Variants in ANKRD26 observed in about 807,000 individuals in gnomAD.
ANKRD26 encodes ankyrin repeat domain 26.
ANKRD26 carries 141 observed loss-of-function variants against 208.7 expected under a neutral mutation model. The observed-to-expected ratio is 0.68, with a 90% CI of 0.59 to 0.78. The LOEUF (loss-of-function observed/expected upper bound fraction) is 0.78. Ranked by LOEUF, ANKRD26 falls within the 30% of genes least tolerant of loss-of-function variation. ANKRD26 has a pLI of 0.00. For missense variants in ANKRD26, 1,889 were observed against 1,938.7 expected (o/e 0.97, Z 0.48); for synonymous variants, 636 against 660.4 (o/e 0.96, Z 0.57).
intron 15 of ANKRD26, among the ~76,000 whole-genome samples, chr10:27,058,393 T>C (rs1305404218): frequency 6.6e-6 from 1 of 152,210 alleles, no homozygotes; most frequent in Non-Finnish European, 1.5e-5. Flanking sequence ...TATCGTAACA[T>C]CATAAGCTAA....
At chr10:27,099,255 TG>T (rs1299152146) in intron 1 of ANKRD26, among the ~76,000 whole-genome samples, 1 of 152,274 alleles carries the variant, frequency 6.6e-6, no homozygotes, top group East Asian at 1.9e-4. Flanking sequence ...TCTCCTAAAA[TG>T]CTGGGTTTAC....
intron 15 of ANKRD26, among the ~76,000 whole-genome samples, chr10:27,059,655 A>G (rs2054975841): frequency 6.6e-6 from 1 of 152,010 alleles, no homozygotes; most frequent in African/African-American, 2.4e-5. Context: ...TCATGCCTGT[A>G]ATTCTAGCAC....
chr10:27,090,065 G>C (rs1344573717), intron 4 of ANKRD26, among the ~76,000 whole-genome samples: 6 of 152,052 alleles, frequency 3.9e-5, no homozygotes, highest in Non-Finnish European at 7.4e-5. Flanking sequence ...GACATATTAA[G>C]AAAAAACATC....
In ANKRD26 at chr10:27,060,435, C is replaced by T. The variant is rs763274454; in HGVS notation, c.1492-18G>A. 27 of 1,594,220 alleles carry T rather than the reference C, an allele frequency of 1.7e-5. No individual in the cohort carries two copies. The Middle Eastern group carries it at 5.0e-4, about 29-fold the overall frequency. ...ATGGTAGGCTGAATGGGTTTTGAAACAAAATGATTAATAAATAATGTATAC... is the reference window on the plus strand; with the variant it reads ...ATGGTAGGCTGAATGGGTTTTGAAATAAAATGATTAATAAATAATGTATAC... On this transcript the variant is annotated intron_variant, in intron 14 of 33. Transcript: ENST00000376087.
intron 33 of ANKRD26, among the ~76,000 whole-genome samples, chr10:27,006,065 A>G (rs143909183): frequency 3.3e-4 from 50 of 152,334 alleles, no homozygotes; most frequent in African/African-American, 1.1e-3. Context: ...CAAACATACA[A>G]TTTCCATACA....
At position 27,064,073 on chromosome 10, in the gene ANKRD26, A is replaced by G; in HGVS notation, c.1278T>C (p.Ser426=). The G allele has an allele frequency of 6.2e-7, 1 of 1,608,546 alleles. No homozygotes were observed. ...CAACATACTTCTGTGGAAAATTCTCAGAGATACTCTGTTAAAATTAGTATC... is the reference window on the plus strand; with the variant it reads ...CAACATACTTCTGTGGAAAATTCTCGGAGATACTCTGTTAAAATTAGTATC... The part of the protein sequence containing the change: ...IESPWDSESI[S]ENFPQKYVDP... Residue 426 remains serine (S), a synonymous_variant, in exon 12 of 34, where the codon TCT becomes TCC. Coordinates refer to ENST00000376087, the MANE Select transcript of ANKRD26 (RefSeq NM_014915.3).
intron 16 of ANKRD26, among the ~76,000 whole-genome samples, chr10:27,049,355 T>A (rs1380248026): frequency 2.0e-5 from 3 of 152,204 alleles, no homozygotes; most frequent in African/African-American, 4.8e-5. Context: ...ACAAGATGCA[T>A]CTTCTTCTGC....
intron 6 of ANKRD26, among the ~76,000 whole-genome samples, chr10:27,081,207 C>T (rs1374388664): frequency 6.6e-6 from 1 of 152,132 alleles, no homozygotes; most frequent in Non-Finnish European, 1.5e-5. Context: ...TTTTAATATG[C>T]CTTTCTAGAT....
At chr10:27,075,832 G>T (rs1280045065) in intron 9 of ANKRD26, among the ~76,000 whole-genome samples, 2 of 152,122 alleles carry the variant, frequency 1.3e-5, no homozygotes, top group African/African-American at 4.8e-5. Flanking sequence ...CATTCTCCAA[G>T]ATAGACCATA....
intron 6 of ANKRD26, 84 bp downstream of exon 6, chr10:27,082,719 G>T (rs1564424864): frequency 2.7e-6 from 4 of 1,490,734 alleles, no homozygotes; most frequent in Non-Finnish European, 3.6e-6. Context: ...CACATAATAT[G>T]GTGTCTACCC....
chr10:27,024,395 T>C (rs1251131062), intron 28 of ANKRD26, 52 bp downstream of exon 28: 1 of 987,372 alleles, frequency 1.0e-6, no homozygotes, highest in Non-Finnish European at 1.6e-6. Flanking sequence ...AGTAAAATTA[T>C]ATTAAATCAA....
intron 15 of ANKRD26, among the ~76,000 whole-genome samples, chr10:27,055,839 C>T (rs2054819626): frequency 6.7e-6 from 1 of 150,366 alleles, no homozygotes; most frequent in Non-Finnish European, 1.5e-5. Flanking sequence ...TTGAATGGTG[C>T]TTTTTTGTTA....
chr10:26,990,695 T>A (rs1476466417), downstream of ANKRD26, among the ~76,000 whole-genome samples: 1 of 152,218 alleles, frequency 6.6e-6, no homozygotes, highest in Non-Finnish European at 1.5e-5. Context: ...AGGAGCAAGA[T>A]GCTCTTCTTG....
chr10:27,073,708 A>G (rs953429907), intron 9 of ANKRD26, among the ~76,000 whole-genome samples: 2 of 152,184 alleles, frequency 1.3e-5, no homozygotes, highest in Non-Finnish European at 2.9e-5. Flanking sequence ...TAAATAAAAT[A>G]CTGGGGAAAA....
chr10:26,966,542 T>A, the ANKRD26 span, among the ~76,000 whole-genome samples: 1 of 152,170 alleles, frequency 6.6e-6, no homozygotes, highest in African/African-American at 2.4e-5. Flanking sequence ...CAAACCACCA[T>A]GGCACACGTA....
chr10:26,969,905 G>C (rs2052119649), downstream of ANKRD26, among the ~76,000 whole-genome samples: 3 of 151,480 alleles, frequency 2.0e-5, no homozygotes, highest in South Asian at 6.3e-4. Context: ...TGCGATCTCG[G>C]CTCACTGCAA....
Position 27,100,242 on chromosome 10 carries a change from C to T in ANKRD26, c.85G>A (p.Glu29Lys), listed in dbSNP as rs1554799874. Residue 29 changes from glutamate (E) to lysine (K), a missense_variant, in exon 1 of 34, where the codon GAG (glutamate) becomes AAG (lysine). This residue lies in a region of ANKRD26 where 1,272 missense variants were observed against 1,273.8 expected (regional missense o/e 1.00). Coordinates refer to ENST00000376087, the MANE Select transcript of ANKRD26 (RefSeq NM_014915.3). ...TGCGAGTAGGCGCCCTCCCCCGGCT[C>T]GCCCCCGCCTCCCGCGCTGCTCCTC... ...RQRSSAGGGGEPGEGAYSQPG... is the reference protein window; with the variant it reads ...RQRSSAGGGGKPGEGAYSQPG... The T allele has an allele frequency of 2.5e-6, 4 of 1,611,572 alleles. No homozygotes were observed. Among genetic ancestry groups the T allele is most frequent in the Admixed American group, 1.7e-5 (1 of 59,974 alleles).
the ANKRD26 span, among the ~76,000 whole-genome samples, chr10:26,965,175 T>G: frequency 6.6e-6 from 1 of 152,120 alleles, no homozygotes; most frequent in Admixed American, 6.6e-5. Context: ...CATTGCCAAG[T>G]CAATCCTAAG....
intron 20 of ANKRD26, among the ~76,000 whole-genome samples, chr10:27,041,583 G>C (rs2054241338): frequency 6.6e-6 from 1 of 152,190 alleles, no homozygotes; most frequent in African/African-American, 2.4e-5. Flanking sequence ...AAGATAAGTG[G>C]AGGCATGGAA....
Sources: allele counts gnomAD v4.1 joint callset (sites outside exome capture counted in the v4.1 genomes callset), GRCh38; gene constraint gnomAD v4.1.1; regional missense constraint gnomAD v4.1.1; transcripts MANE v1.5; gene names NCBI Gene and HGNC (gene_info 2026-07-23, HGNC 2026-07-21).